Variants in SORBS3 observed in about 807,000 individuals in gnomAD.
SORBS3 encodes sorbin and SH3 domain containing 3.
SORBS3 carries 69 observed loss-of-function variants against 98.0 expected under a neutral mutation model. The ratio of observed to expected loss-of-function variants is 0.70; its 90% CI spans 0.58 to 0.86. The LOEUF is 0.86. SORBS3 is among the 40% of genes least tolerant of loss of function. The pLI is 0.00. For synonymous variants in SORBS3, 394 were observed against 355.4 expected, an observed-to-expected ratio of 1.11 and a Z score of -1.22; for missense variants, 954 against 908.5, an observed-to-expected ratio of 1.05 and a Z score of -0.64.
chr8:22,567,918 G>A (rs2979305), intron 16 of SORBS3, among the ~76,000 whole-genome samples: 41,689 of 150,382 alleles, frequency 0.28, 6,939 homozygotes, highest in East Asian at 0.62. Flanking sequence ...CGGGATCTTG[G>A]TGCACTGCAA....
At chr8:22,564,425 AAAGT>A in intron 9 of SORBS3, 39 bp from the exon 10 acceptor site, 2 of 1,613,918 alleles carry the variant, frequency 1.2e-6, no homozygotes, top group East Asian at 4.5e-5. Context: ...TACATTTTGG[AAAGT>A]GAGTTCACCT....
At chr8:22,565,556 G>A (rs975349479) in intron 11 of SORBS3, 22 of 580,336 alleles carry the variant, frequency 3.8e-5, no homozygotes, top group Non-Finnish European at 5.1e-5. Flanking sequence ...TTTCGCAAGT[G>A]ACCCCGAGGA....
intron 11 of SORBS3, 143 bp downstream of exon 11, chr8:22,565,497 T>G: frequency 1.5e-6 from 1 of 658,916 alleles, no homozygotes; most frequent in African/African-American, 1.9e-5. Context: ...CGGGCCCTCC[T>G]GGGCGCTGGC....
At position 22,571,051 on chromosome 8, in the gene SORBS3, C is replaced by T. The variant is rs145299592; in HGVS notation, c.1573C>T (p.Pro525Ser). ...CCGGCTCCGGCTCTGTGACGACGGCCCCCAGCTCCCCACGTCTCCCCGCCT... is the reference window on the plus strand; with the variant it reads ...CCGGCTCCGGCTCTGTGACGACGGCTCCCAGCTCCCCACGTCTCCCCGCCT... ...EPRLRLCDDG[P>S]QLPTSPRLTA... Residue 525 changes from proline to serine, a missense_variant, in exon 18 of 21, where the codon CCC (proline) becomes TCC (serine). Transcript: ENST00000240123. 6 of 1,613,282 alleles carry T rather than the reference C, an allele frequency of 3.7e-6. No homozygotes were observed. Among genetic ancestry groups the T allele is most frequent in the Admixed American group, 1.7e-5 (1 of 59,976 alleles).
At chr8:22,549,460 C>T (rs1159333075), upstream of SORBS3, among the ~76,000 whole-genome samples, 1 of 152,200 alleles carries the variant, frequency 6.6e-6, no homozygotes, top group Non-Finnish European at 1.5e-5. Context: ...AACCCTGCTA[C>T]TTTTCCCCCC....
chr8:22,561,178 T>A (rs1840287263), intron 5 of SORBS3, 157 bp from the exon 6 acceptor site: 1 of 695,126 alleles, frequency 1.4e-6, no homozygotes, highest in East Asian at 2.9e-5. Context: ...AGAGCTGCCC[T>A]CCTAATTCCT....
At chr8:22,565,379 C>T (rs1365070708) in intron 11 of SORBS3, 25 bp downstream of exon 11, 4 of 1,506,368 alleles carry the variant, frequency 2.7e-6, no homozygotes, top group Admixed American at 4.0e-5. Context: ...GGTTCACCCG[C>T]GGGGCACGCC....
At chr8:22,547,938 T>C (rs1039425324), upstream of SORBS3, among the ~76,000 whole-genome samples, 1 of 152,222 alleles carries the variant, frequency 6.6e-6, no homozygotes, top group African/African-American at 2.4e-5. Context: ...TTTGGGAGAT[T>C]GGCCCTGAGA....
In SORBS3 at chr8:22,571,191, C is replaced by G; in HGVS notation, c.1713C>G (p.Phe571Leu). 6.4e-7 allele frequency: 1 copy of G among 1,568,828 alleles called. No individual in the cohort carries two copies. The highest frequency in any genetic ancestry group is 8.6e-7 in the Non-Finnish European group (1 of 1,159,190). The change falls in exon 18 of 21, where the codon TTC becomes TTG. Residue 571 changes from phenylalanine (F) to leucine (L), a missense_variant. By Grantham distance (22) the Phe-to-Leu change is conservative. Coordinates refer to ENST00000240123, the MANE Select transcript of SORBS3 (RefSeq NM_005775.5). ...QTSPRRTGFS[F>L]PTQEPRPQTQ... ...CCCCCCGTCGCACTGGCTTCTCCTT[C>G]CCCACCCAGGAGCCTAGACCCCAGA... is the stretch of plus-strand genomic sequence containing the variant.
chr8:22,556,555 A>C (rs1840185662), intron 3 of SORBS3, 160 bp from the exon 4 acceptor site: 5 of 643,338 alleles, frequency 7.8e-6, no homozygotes, highest in Non-Finnish European at 1.1e-5. Context: ...TCACTTAAAC[A>C]AACAGAGGCC....
At chr8:22,560,081 A>C (rs1319427886) in intron 5 of SORBS3, among the ~76,000 whole-genome samples, 2 of 150,890 alleles carry the variant, frequency 1.3e-5, no homozygotes, top group African/African-American at 2.4e-5. Flanking sequence ...AAGAAGAGAG[A>C]GATTTTGATT....
rs1840573594 is a variant in SORBS3 at position 22,571,187 on chromosome 8, C to G, written c.1709C>G (p.Ser570Cys). ...ACCTCCCCCCGTCGCACTGGCTTCT[C>G]CTTCCCCACCCAGGAGCCTAGACCC... is the stretch of plus-strand genomic sequence containing the variant. ...GQTSPRRTGF[S>C]FPTQEPRPQT... Residue 570 changes from serine (S) to cysteine (C), a missense_variant, in exon 18 of 21, where the codon TCC (serine) becomes TGC (cysteine). Transcript: ENST00000240123. 6.4e-7 allele frequency: 1 copy of G among 1,570,260 alleles called. No homozygotes were observed. Among genetic ancestry groups the G allele is most frequent in the African/African-American group, 1.3e-5 (1 of 74,304 alleles).
At chr8:22,569,344 CAG>C in intron 17 of SORBS3, 71 bp downstream of exon 17, 3 of 1,276,582 alleles carry the variant, frequency 2.4e-6, no homozygotes, top group Admixed American at 3.1e-5. Context: ...GCACTAAAAA[CAG>C]TTTTTTTTTT....
chr8:22,562,002 C>T, intron 7 of SORBS3, 71 bp downstream of exon 7: 1 of 1,444,430 alleles, frequency 6.9e-7, no homozygotes, highest in South Asian at 1.1e-5. Context: ...GACGGGCGCC[C>T]CCTCGTGACC....
At chr8:22,557,265 G>A (rs989581756) in intron 4 of SORBS3, among the ~76,000 whole-genome samples, 2 of 152,174 alleles carry the variant, frequency 1.3e-5, no homozygotes, top group Non-Finnish European at 2.9e-5. Context: ...ATGAATGACT[G>A]ACCGGCCGAA....
chr8:22,556,566 C>G, intron 3 of SORBS3, 149 bp from the exon 4 acceptor site: 2 of 666,360 alleles, frequency 3.0e-6, no homozygotes, highest in South Asian at 1.8e-5. Flanking sequence ...AACAGAGGCC[C>G]GTGGTGCTCT....
chr8:22,569,803 G>T (rs1441658561), intron 17 of SORBS3, among the ~76,000 whole-genome samples: 1 of 151,870 alleles, frequency 6.6e-6, no homozygotes, highest in Admixed American at 6.6e-5. Context: ...GAACTCCTGG[G>T]CTCAAGCGAT....
rs1840382095 is a variant in SORBS3 at position 22,565,261 on chromosome 8, C to T, written c.817-7C>T. On this transcript the variant is annotated splice_polypyrimidine_tract_variant and splice_region_variant and intron_variant, in intron 10 of 20. Coordinates refer to ENST00000240123, the MANE Select transcript of SORBS3 (RefSeq NM_005775.5). ...CCCCTCACTGCCCAGCCTCTCCCCG[C>T]CCCCAGGTGCTGCTGGAGAGAGAGC... The T allele has an allele frequency of 6.5e-7, 1 of 1,549,842 alleles. No homozygotes were observed. The highest frequency in any genetic ancestry group is 8.7e-7 in the Non-Finnish European group (1 of 1,146,372).
Position 22,574,780 on chromosome 8 carries a change from C to A in SORBS3, c.*52C>A. 6.4e-7 allele frequency: 1 copy of A among 1,570,058 alleles called. No individual in the cohort carries two copies. The highest frequency in any genetic ancestry group is 8.8e-7 in the Non-Finnish European group (1 of 1,140,674). Reference sequence around the variant, plus strand: ...GCCAGGATGGGGTGGGGAGCGGTGGCACTCGTGGGAGGGAGAGGACCCCCG... The same window carrying A: ...GCCAGGATGGGGTGGGGAGCGGTGGAACTCGTGGGAGGGAGAGGACCCCCG... On this transcript the variant is annotated 3_prime_UTR_variant, in exon 21 of 21. Coordinates refer to ENST00000240123, the MANE Select transcript of SORBS3 (RefSeq NM_005775.5).
Sources: allele counts gnomAD v4.1 joint callset (sites outside exome capture counted in the v4.1 genomes callset), GRCh38; gene constraint gnomAD v4.1.1; transcripts MANE v1.5; gene names NCBI Gene and HGNC (gene_info 2026-07-23, HGNC 2026-07-21).